Variants in PCDH9 observed in about 807,000 individuals in gnomAD.
PCDH9 encodes protocadherin 9, also known as protocadherin-9.
Under a neutral mutation model 70.6 loss-of-function variants are expected in PCDH9, and 24 were observed. That is an observed-to-expected ratio of 0.34 (90% confidence interval 0.25 to 0.48). The LOEUF (loss-of-function observed/expected upper bound fraction) is 0.48. Ranked by LOEUF, PCDH9 falls within the 20% of genes least tolerant of loss-of-function variation. The pLI is 0.99. For missense variants in PCDH9, 1,281 were observed against 1,503.6 expected (o/e 0.85, Z 2.45); for synonymous variants, 562 against 558.5 (o/e 1.01, Z -0.09).
At chr13:67,000,180 T>C (rs1279374557) in intron 2 of PCDH9, among the ~76,000 whole-genome samples, 1 of 151,950 alleles carries the variant, frequency 6.6e-6, no homozygotes, top group African/African-American at 2.4e-5. Flanking sequence ...ATGTCCTTTG[T>C]AGGGACATGG....
intron 4 of PCDH9, among the ~76,000 whole-genome samples, chr13:66,526,752 TC>T (rs1960234082): frequency 6.6e-6 from 1 of 152,284 alleles, no homozygotes; most frequent in Admixed American, 6.5e-5. Context: ...GTTACTATAT[TC>T]CCAGCAAGAA....
intron 4 of PCDH9, among the ~76,000 whole-genome samples, chr13:66,560,526 G>T (rs1393623589): frequency 6.6e-6 from 1 of 152,172 alleles, no homozygotes; most frequent in Non-Finnish European, 1.5e-5. Context: ...TCGTGCATTG[G>T]TCTCTTCCCT....
At chr13:66,537,015 G>A (rs1228617888) in intron 4 of PCDH9, among the ~76,000 whole-genome samples, 1 of 152,084 alleles carries the variant, frequency 6.6e-6, no homozygotes, top group Non-Finnish European at 1.5e-5. Context: ...AATTATAAGT[G>A]TACATGAATT....
At position 66,776,757 on chromosome 13, in the gene PCDH9, T is replaced by A. The variant is rs1295510055; in HGVS notation, c.3138+126747A>T. Among the ~76,000 whole-genome samples the A allele has an allele frequency of 2.0e-5, 3 of 150,942 alleles. No individual in the cohort carries two copies. The East Asian group carries it at 5.9e-4, about 30-fold the overall frequency. On this transcript the variant is annotated intron_variant, in intron 3 of 4. Coordinates refer to ENST00000377865, the MANE Select transcript of PCDH9 (RefSeq NM_203487.3). Reference sequence around the variant, plus strand: ...CCCCATCAAGCTACCAATGACTTTCTTCACAGAATTGGAAAAAACTACTTT... The same window carrying A: ...CCCCATCAAGCTACCAATGACTTTCATCACAGAATTGGAAAAAACTACTTT...
intron 4 of PCDH9, among the ~76,000 whole-genome samples, chr13:66,452,723 A>G (rs1343466404): frequency 1.3e-5 from 2 of 152,122 alleles, no homozygotes; most frequent in African/African-American, 4.8e-5. Context: ...ACTTTTCCAA[A>G]GCTTCTTAAG....
At chr13:66,317,289 C>G (rs1477823300) in intron 4 of PCDH9, among the ~76,000 whole-genome samples, 1 of 152,086 alleles carries the variant, frequency 6.6e-6, no homozygotes, top group Non-Finnish European at 1.5e-5. Context: ...CATTATGTGG[C>G]AAATAATTTT....
chr13:66,404,700 A>G (rs975870276), intron 4 of PCDH9, among the ~76,000 whole-genome samples: 2 of 152,166 alleles, frequency 1.3e-5, no homozygotes, highest in Non-Finnish European at 2.9e-5. Context: ...TAATTTACGT[A>G]TGCTGTTTTA....
chr13:66,362,088 G>C (rs1956480302), intron 4 of PCDH9, among the ~76,000 whole-genome samples: 1 of 152,096 alleles, frequency 6.6e-6, no homozygotes, highest in Non-Finnish European at 1.5e-5. Flanking sequence ...CAAAATTACT[G>C]ATATCTAGAG....
At position 66,481,097 on chromosome 13, in the gene PCDH9, C is replaced by T. The variant is rs1417968515; in HGVS notation, c.3340+150113G>A. On this transcript the variant is annotated intron_variant, in intron 4 of 4. Transcript: ENST00000377865. The stretch of plus-strand genomic sequence containing the variant: ...CATGTTCTGACTCATAAGTGGGAGT[C>T]GAACAATGAGAACACATGGACACAA... 6.6e-5 allele frequency among the ~76,000 whole-genome samples: 10 copies of T among 151,798 alleles called. No individual in the cohort carries two copies. In the East Asian group the frequency reaches 1.2e-3, roughly 18 times the overall value.
chr13:66,678,282 G>A (rs2078271999), intron 3 of PCDH9, among the ~76,000 whole-genome samples: 1 of 151,666 alleles, frequency 6.6e-6, no homozygotes, highest in Admixed American at 6.6e-5. Context: ...AAATATTATA[G>A]TCAACAACTG....
chr13:66,912,999 A>G (rs1401055694), intron 2 of PCDH9, among the ~76,000 whole-genome samples: 2 of 152,136 alleles, frequency 1.3e-5, no homozygotes, highest in Non-Finnish European at 2.9e-5. Context: ...TGTGCATGCC[A>G]GTCTTTAGAA....
chr13:66,907,080 T>C (rs2082374495), intron 2 of PCDH9, among the ~76,000 whole-genome samples: 1 of 152,102 alleles, frequency 6.6e-6, no homozygotes, highest in Non-Finnish European at 1.5e-5. Flanking sequence ...GGTGCATGCC[T>C]GTAATCCCAG....
intron 3 of PCDH9, among the ~76,000 whole-genome samples, chr13:66,880,682 A>G (rs1428315949): frequency 6.6e-6 from 1 of 152,174 alleles, no homozygotes; most frequent in African/African-American, 2.4e-5. Context: ...TCTATGCAAG[A>G]AAAAGGGATT....
At chr13:66,410,508 G>T (rs879390178) in intron 4 of PCDH9, among the ~76,000 whole-genome samples, 4 of 152,140 alleles carry the variant, frequency 2.6e-5, no homozygotes, top group Non-Finnish European at 4.4e-5. Context: ...CATTTTTAGG[G>T]CCAGATGTTA....
At chr13:66,348,752 A>C (rs2138164108) in intron 4 of PCDH9, among the ~76,000 whole-genome samples, 1 of 145,764 alleles carries the variant, frequency 6.9e-6, no homozygotes, top group South Asian at 2.1e-4. Flanking sequence ...CTACTTGCTC[A>C]TCACCCTTAA....
chr13:66,773,686 CAT>C (rs2079845817), intron 3 of PCDH9, among the ~76,000 whole-genome samples: 1 of 151,308 alleles, frequency 6.6e-6, no homozygotes, highest in Admixed American at 6.6e-5. Context: ...TTATAATAAA[CAT>C]AAATCTAAAC....
intron 4 of PCDH9, among the ~76,000 whole-genome samples, chr13:66,545,146 C>A (rs1279699134): frequency 6.6e-6 from 1 of 152,066 alleles, no homozygotes; most frequent in Non-Finnish European, 1.5e-5. Context: ...TTTTAATTTC[C>A]TTTATTTGAT....
chr13:66,304,268 A>AC lies in PCDH9; in HGVS notation c.*386_*387insG, dbSNP rs1955421741. ...CCAGCACAAATCAATGACAAAAAAA[A>AC]AAAAAAAAAAAAAAAAAAGCACAAT... is the stretch of plus-strand genomic sequence containing the variant. On this transcript the variant is annotated 3_prime_UTR_variant, in exon 5 of 5. Transcript: ENST00000377865. The AC allele has an allele frequency of 3.1e-5, 5 of 159,202 alleles. No individual in the cohort carries two copies. The highest frequency in any genetic ancestry group is 9.8e-5 in the African/African-American group (4 of 40,744). 9.9% of individuals were successfully genotyped at this position (159,202 alleles called of 1,614,324 possible).
intron 2 of PCDH9, among the ~76,000 whole-genome samples, chr13:67,074,152 C>G (rs1448634925): frequency 6.6e-6 from 1 of 151,922 alleles, no homozygotes; most frequent in African/African-American, 2.4e-5. Flanking sequence ...CTGCTATAGA[C>G]TGAATGTGTT....
Sources: gnomAD v4.1 joint callset for allele counts (sites outside exome capture counted in the v4.1 genomes callset) on GRCh38, gnomAD v4.1.1 for gene constraint, MANE v1.5 for transcripts, NCBI Gene and HGNC (gene_info 2026-07-23, HGNC 2026-07-21) for gene names.